NUP210: variants seen among roughly 807,000 people sequenced by gnomAD.
The protein encoded by NUP210 is nucleoporin 210.
NUP210 carries 151 observed loss-of-function variants against 196.0 expected under a neutral mutation model. The ratio of observed to expected loss-of-function variants is 0.77; its 90% confidence interval spans 0.67 to 0.88. The LOEUF (loss-of-function observed/expected upper bound fraction) is 0.88. Ranked by LOEUF, NUP210 falls within the 40% of genes least tolerant of loss-of-function variation. NUP210 has a pLI of 0.00. For missense variants in NUP210, 2,314 were observed against 2,493.7 expected, an observed-to-expected ratio of 0.93 and a Z score of 1.53; for synonymous variants, 1,070 against 1,052.7, an observed-to-expected ratio of 1.02 and a Z score of -0.32.
chr3:13,358,175 C>G (rs748077202), intron 16 of NUP210, 47 bp downstream of exon 16: 1 of 1,548,362 alleles, frequency 6.5e-7, no homozygotes, highest in African/African-American at 1.4e-5. Context: ...TCCTCCTGCC[C>G]AAGCGGGTGG....
intron 3 of NUP210, among the ~76,000 whole-genome samples, chr3:13,391,706 G>C (rs1699498423): frequency 7.1e-6 from 1 of 140,248 alleles, no homozygotes; most frequent in African/African-American, 2.6e-5. Context: ...CTTCCTGGGA[G>C]TAAACTCCTC....
At chr3:13,327,572 G>A (rs577441447) in intron 31 of NUP210, 135 bp from the exon 32 acceptor site, 2 of 680,646 alleles carry the variant, frequency 2.9e-6, no homozygotes, top group Admixed American at 2.8e-5. Context: ...GCCCCAACTC[G>A]AGGTTACCAA....
In NUP210 at chr3:13,341,823, G is replaced by C. The variant is rs781125186; in HGVS notation, c.3153C>G (p.Ile1051Met). The change falls in exon 23 of 40, where the codon ATC (isoleucine) becomes ATG (methionine). Residue 1051 changes from isoleucine to methionine, a missense_variant. Coordinates refer to ENST00000254508, the MANE Select transcript of NUP210 (RefSeq NM_024923.4). The stretch of plus-strand genomic sequence containing the variant: ...CACTTGCAGTTAGACTGGTCTGGCC[G>C]ATGGCCACACCGCGGATGAGGAATG... The part of the protein sequence containing the change: ...TITFLIRGVA[I>M]GQTSLTASVT... 1.2e-6 allele frequency: 2 copies of C among 1,614,062 alleles called. No homozygotes were observed. The highest frequency in any genetic ancestry group is 1.3e-5 in the African/African-American group (1 of 75,052).
chr3:13,358,932 A>C (rs1698278656), intron 15 of NUP210, among the ~76,000 whole-genome samples: 1 of 152,204 alleles, frequency 6.6e-6, no homozygotes, highest in Admixed American at 6.5e-5. Flanking sequence ...TGCTGCAGAG[A>C]GGGAAATCCA....
intron 20 of NUP210, 39 bp from the exon 21 acceptor site, chr3:13,343,342 G>GGGGGGGGGGGGGGGGGGC: frequency 4.6e-6 from 3 of 655,978 alleles, no homozygotes; most frequent in East Asian, 4.4e-5. Flanking sequence ...TGGGTGGTGG[G>GGGGGGGGGGGGGGGGGGC]TTACGCAGCT....
At chr3:13,387,312 T>C (rs550108372) in intron 5 of NUP210, among the ~76,000 whole-genome samples, 49 of 152,370 alleles carry the variant, frequency 3.2e-4, no homozygotes, top group South Asian at 1.4e-3. Flanking sequence ...CAGGGCTCTG[T>C]GGCGGCTGCT....
chr3:13,343,125 CA>C, intron 21 of NUP210, 49 bp downstream of exon 21: 3 of 1,607,228 alleles, frequency 1.9e-6, no homozygotes, highest in Non-Finnish European at 2.6e-6. Context: ...CCCTCCCTCC[CA>C]GTTCCTGCAG....
At chr3:13,368,841 C>G (rs1698628923) in intron 13 of NUP210, among the ~76,000 whole-genome samples, 1 of 152,210 alleles carries the variant, frequency 6.6e-6, no homozygotes, top group Admixed American at 6.5e-5. Flanking sequence ...ACGGTGGACA[C>G]CTGGGTTATT....
At chr3:13,401,259 C>CAAAAGAAAAAAAAAAAA (rs1699828481) in intron 1 of NUP210, among the ~76,000 whole-genome samples, 1 of 43,846 alleles carries the variant, frequency 2.3e-5, no homozygotes, top group Non-Finnish European at 4.0e-5. Context: ...GACTCTGGCT[C>CAAAAGAAAAAAAAAAAA]AAAAAAAAAA....
Position 13,350,136 on chromosome 3 carries a change from C to T in NUP210, c.2835+1743G>A, listed in dbSNP as rs1454807515. ...ACAAAGGACATACCAAGGTGTTATC[C>T]CCTAAGAGCAGTATCAGAGACTTCT... On this transcript the variant is annotated intron_variant, in intron 20 of 39. Coordinates refer to ENST00000254508, the MANE Select transcript of NUP210 (RefSeq NM_024923.4). This position sits in a 1 kb window ranked among gnomAD's most constrained non-coding sequence, Gnocchi z 4.1. 1.3e-5 allele frequency among the ~76,000 whole-genome samples: 2 copies of T among 152,114 alleles called. No homozygotes were observed. The highest frequency in any genetic ancestry group is 2.4e-5 in the African/African-American group (1 of 41,412).
chr3:13,358,462 C>A, intron 15 of NUP210, 67 bp from the exon 16 acceptor site: 2 of 1,448,204 alleles, frequency 1.4e-6, no homozygotes. Flanking sequence ...AGCTATGCCA[C>A]ACCCCACCCC....
chr3:13,376,515 A>G (rs1040132958), intron 9 of NUP210, 84 bp from the exon 10 acceptor site: 2 of 1,543,312 alleles, frequency 1.3e-6, no homozygotes, highest in Non-Finnish European at 1.8e-6. Context: ...TACAGGACTG[A>G]AACCAGCAGC....
chr3:13,382,249 C>G (rs1463048084), intron 6 of NUP210, among the ~76,000 whole-genome samples: 8 of 152,218 alleles, frequency 5.3e-5, no homozygotes, highest in Non-Finnish European at 8.8e-5. Context: ...TGCAACCAAT[C>G]CAAACACCAA....
chr3:13,344,863 G>A (rs1412388039), intron 20 of NUP210: 2 of 928,176 alleles, frequency 2.2e-6, no homozygotes, highest in Non-Finnish European at 2.6e-6. Context: ...GCCTCCACCT[G>A]CTGGCTCCAA....
At position 13,378,632 on chromosome 3, in the gene NUP210, G is replaced by A. The variant is rs1051329331; in HGVS notation, c.1045+280C>T. Among the ~76,000 whole-genome samples the A allele has an allele frequency of 9.8e-5, 15 of 152,312 alleles. No homozygotes were observed. In the East Asian group the frequency reaches 1.5e-3, roughly 16 times the overall value. On this transcript the variant is annotated intron_variant, in intron 8 of 39. Coordinates refer to ENST00000254508, the MANE Select transcript of NUP210 (RefSeq NM_024923.4). The stretch of plus-strand genomic sequence containing the variant: ...GCAATGGTCAGGTCTGGGCAAAGCC[G>A]TGGTATGAAAACCAGGAGGGTGCAA...
chr3:13,338,054 C>T (rs1697298843), intron 25 of NUP210, 137 bp from the exon 26 acceptor site: 1 of 756,972 alleles, frequency 1.3e-6, no homozygotes, highest in Non-Finnish European at 2.1e-6. Context: ...CAGCACCATG[C>T]TCCTCTGCCG....
chr3:13,385,803 T>C (rs865776237), intron 6 of NUP210, among the ~76,000 whole-genome samples: 4 of 116,666 alleles, frequency 3.4e-5, no homozygotes, highest in Non-Finnish European at 5.5e-5. Flanking sequence ...AATGGGTAGA[T>C]GAATGGGTAA....
chr3:13,401,082 AC>A (rs1699819830), intron 1 of NUP210, among the ~76,000 whole-genome samples: 1 of 151,890 alleles, frequency 6.6e-6, no homozygotes, highest in Admixed American at 6.6e-5. Context: ...AGTTGGTGAA[AC>A]CCTGTATCTA....
At chr3:13,366,720 T>C (rs1698551241) in intron 13 of NUP210, among the ~76,000 whole-genome samples, 1 of 150,712 alleles carries the variant, frequency 6.6e-6, no homozygotes, top group Non-Finnish European at 1.5e-5. Context: ...GGTTTCACCA[T>C]ATTAGCCAGG....
Sources: allele counts gnomAD v4.1 joint callset (sites outside exome capture counted in the v4.1 genomes callset), GRCh38; gene constraint gnomAD v4.1.1; non-coding constraint Gnocchi (gnomAD v3.1); transcripts MANE v1.5; gene names NCBI Gene and HGNC (gene_info 2026-07-23, HGNC 2026-07-21).